Variants in DCAF6 observed in about 807,000 individuals in gnomAD.
DCAF6 encodes the protein DDB1- and CUL4-associated factor 6.
Under a neutral mutation model 125.1 loss-of-function variants are expected in DCAF6, and 54 were observed. That is an observed-to-expected ratio of 0.43 (90% CI 0.35 to 0.54). The LOEUF (loss-of-function observed/expected upper bound fraction) is 0.54, where lower values mean the gene tolerates loss of function less well. Ranked by LOEUF, DCAF6 falls within the 20% of genes least tolerant of loss-of-function variation. The probability of loss-of-function intolerance (pLI) is 0.01; values close to 1 mark genes in which losing one functional copy is unlikely to be tolerated. For synonymous variants in DCAF6, 371 were observed against 390.4 expected (o/e 0.95, Z 0.58); for missense variants, 934 against 1,161.7 (o/e 0.80, Z 2.85).
At chr1:168,015,318 A>G (rs539216439) in intron 10 of DCAF6, among the ~76,000 whole-genome samples, 5 of 152,306 alleles carry the variant, frequency 3.3e-5, no homozygotes, top group East Asian at 3.9e-4. Flanking sequence ...GCTCTTCTCA[A>G]TAAATTCTGA....
In DCAF6 at chr1:167,993,244, G is replaced by A. The variant is rs1044475466; in HGVS notation, c.707G>A (p.Gly236Glu). The change falls in exon 7 of 22, where the codon GGG (glycine) becomes GAG (glutamate). Residue 236 changes from glycine to glutamate, a missense_variant. By Grantham distance (98) the Gly-to-Glu change is moderately conservative (BLOSUM62 -2). Coordinates refer to ENST00000367840, the MANE Select transcript of DCAF6 (RefSeq NM_001198956.2). ...TRATGNYAGR[G>E]TTGMVARFIP... ...TTTTTAGGGAATTATGCAGGTCGAGGGACTACTGGAATGGTTGCCCGTTTT... is the reference window on the plus strand; with the variant it reads ...TTTTTAGGGAATTATGCAGGTCGAGAGACTACTGGAATGGTTGCCCGTTTT... The A allele has an allele frequency of 1.2e-6, 2 of 1,613,746 alleles. No individual in the cohort carries two copies. The highest frequency in any genetic ancestry group is 2.7e-5 in the African/African-American group (2 of 74,962).
At chr1:167,991,494 T>C (rs1163784191) in intron 6 of DCAF6, among the ~76,000 whole-genome samples, 155 bp downstream of exon 6, 1 of 152,198 alleles carries the variant, frequency 6.6e-6, no homozygotes, top group African/African-American at 2.4e-5. Context: ...TTTCACCAAG[T>C]GTTTATGACC....
chr1:168,053,233 A>AT (rs1446905086), intron 17 of DCAF6, among the ~76,000 whole-genome samples: 2 of 152,150 alleles, frequency 1.3e-5, no homozygotes, highest in Non-Finnish European at 2.9e-5. Context: ...AGTGCATTGT[A>AT]TATTTGTATG....
At chr1:167,985,026 C>G (rs1282271588) in intron 4 of DCAF6, among the ~76,000 whole-genome samples, 3 of 152,092 alleles carry the variant, frequency 2.0e-5, no homozygotes, top group Admixed American at 1.3e-4. Flanking sequence ...GAAAAACTCC[C>G]ATTTTAAAAA....
At chr1:167,873,638 A>C in the DCAF6 span, among the ~76,000 whole-genome samples, 1 of 152,178 alleles carries the variant, frequency 6.6e-6, no homozygotes, top group Admixed American at 6.5e-5. Flanking sequence ...TCCCCTGTCT[A>C]ATCTCGAGTT....
At chr1:167,983,206 G>A (rs1239772157) in intron 4 of DCAF6, among the ~76,000 whole-genome samples, 2 of 152,128 alleles carry the variant, frequency 1.3e-5, no homozygotes, top group African/African-American at 2.4e-5. Flanking sequence ...GAAAAATGAT[G>A]TTGGTAGTTT....
chr1:167,989,801 A>G (rs2102999491), intron 5 of DCAF6, among the ~76,000 whole-genome samples: 1 of 152,190 alleles, frequency 6.6e-6, no homozygotes, highest in East Asian at 1.9e-4. Context: ...GAATCTCTTG[A>G]ACCCAGGAGG....
chr1:167,994,400 T>C (rs1359429498), intron 7 of DCAF6, among the ~76,000 whole-genome samples: 1 of 152,162 alleles, frequency 6.6e-6, no homozygotes, highest in Non-Finnish European at 1.5e-5. Flanking sequence ...CATGGATCAA[T>C]AGAAGTTTTA....
the DCAF6 span, chr1:167,920,188 G>A: frequency 1.3e-6 from 1 of 757,652 alleles, no homozygotes; most frequent in Non-Finnish European, 2.2e-6. Context: ...CAATAATGTA[G>A]GATGAGGGAC....
chr1:167,868,059 A>G, the DCAF6 span, among the ~76,000 whole-genome samples: 1 of 152,194 alleles, frequency 6.6e-6, no homozygotes, highest in South Asian at 2.1e-4. Context: ...CCTAGAGTAA[A>G]TACCTTAGTA....
At chr1:168,071,110 C>T (rs1692963815) in intron 21 of DCAF6, among the ~76,000 whole-genome samples, 1 of 152,144 alleles carries the variant, frequency 6.6e-6, no homozygotes, top group African/African-American at 2.4e-5. Context: ...CCTTGATCTC[C>T]CTGCTTCTAC....
intron 3 of DCAF6, among the ~76,000 whole-genome samples, chr1:167,970,783 A>G (rs1379030734): frequency 2.0e-5 from 3 of 152,168 alleles, no homozygotes; most frequent in Non-Finnish European, 4.4e-5. Flanking sequence ...TTGTGGGAAC[A>G]TTAATTTATT....
chr1:168,007,636 C>A (rs1571909563), intron 10 of DCAF6, among the ~76,000 whole-genome samples: 1 of 152,294 alleles, frequency 6.6e-6, no homozygotes, highest in East Asian at 1.9e-4. Flanking sequence ...GAAACACTTT[C>A]CTTTCTTGGT....
the DCAF6 span, among the ~76,000 whole-genome samples, chr1:167,923,208 G>A: frequency 6.6e-6 from 1 of 152,164 alleles, no homozygotes; most frequent in African/African-American, 2.4e-5. Flanking sequence ...ATACTAAGAA[G>A]AATTAAAAGT....
rs778693904 is a variant in DCAF6 at position 168,068,469 on chromosome 1, A to ACAT, written c.2791+6_2791+7insCAT. 54 of 1,435,274 alleles carry ACAT rather than the reference A, an allele frequency of 3.8e-5. No homozygotes were observed. Among genetic ancestry groups the ACAT allele is most frequent in the Non-Finnish European group, 5.0e-5 (54 of 1,078,668 alleles). 88.9% of individuals were successfully genotyped at this position (1,435,274 alleles called of 1,614,324 possible). A position where few individuals can be genotyped will look rare whatever the true frequency, so the allele number is the denominator to read the frequency against. ...ACTTAATCATATCCGAGCTGGTAGG[A>ACAT]ACTTTAAGTATACTACTAAAACCAT... On this transcript the variant is annotated splice_region_variant and intron_variant, in intron 21 of 21. Transcript: ENST00000367840.
intron 11 of DCAF6, among the ~76,000 whole-genome samples, chr1:168,018,174 A>G (rs940572870): frequency 6.6e-6 from 1 of 152,188 alleles, no homozygotes; most frequent in Middle Eastern, 3.2e-3. Flanking sequence ...CTACATTTTT[A>G]GTGGGCTCAA....
At chr1:168,000,896 T>C (rs750058521) in intron 7 of DCAF6, among the ~76,000 whole-genome samples, 3 of 151,966 alleles carry the variant, frequency 2.0e-5, no homozygotes, top group Non-Finnish European at 4.4e-5. Flanking sequence ...ATGAAAACGG[T>C]CTGGAATTAT....
chr1:167,993,212 T>A lies in DCAF6; in HGVS notation c.689-14T>A. On this transcript the variant is annotated splice_polypyrimidine_tract_variant and intron_variant, in intron 6 of 21. Coordinates refer to ENST00000367840, the MANE Select transcript of DCAF6 (RefSeq NM_001198956.2). ...ACATTATTAATTTTAAATAACTTCT[T>A]GTTTCTTTTTTAGGGAATTATGCAG... The A allele has an allele frequency of 6.3e-7, 1 of 1,589,666 alleles. No homozygotes were observed. The highest frequency in any genetic ancestry group is 1.7e-4 in the Middle Eastern group (1 of 5,930).
intron 4 of DCAF6, among the ~76,000 whole-genome samples, chr1:167,976,904 T>A (rs1678305833): frequency 8.2e-6 from 1 of 121,806 alleles, no homozygotes; most frequent in Non-Finnish European, 1.6e-5. Flanking sequence ...TTTTTTTTTT[T>A]TTTTTTTTTT....
Sources: allele counts gnomAD v4.1 joint callset (sites outside exome capture counted in the v4.1 genomes callset), GRCh38; gene constraint gnomAD v4.1.1; transcripts MANE v1.5; gene names NCBI Gene and HGNC (gene_info 2026-07-23, HGNC 2026-07-21).